Variants in PLK3 observed in about 807,000 individuals in gnomAD.
PLK3 encodes serine/threonine-protein kinase PLK3.
A neutral mutation model predicts 71.6 loss-of-function variants in PLK3; 41 were observed. The ratio of observed to expected loss-of-function variants is 0.57; its 90% CI spans 0.45 to 0.74. PLK3 has a LOEUF of 0.74. Among genes scored for constraint, PLK3 ranks in the 30% least tolerant of loss-of-function variants. The pLI, the probability that PLK3 is intolerant of heterozygous loss-of-function variation, is 0.00. For synonymous variants in PLK3, 366 were observed against 355.4 expected, an observed-to-expected ratio of 1.03 and a Z score of -0.33; for missense variants, 791 against 875.6, an observed-to-expected ratio of 0.90 and a Z score of 1.22.
At position 44,804,799 on chromosome 1, in the gene PLK3, G is replaced by C. The variant is rs1185512436; in HGVS notation, c.1635+20G>C. On this transcript the variant is annotated intron_variant, in intron 13 of 14. Transcript: ENST00000372201. ...ATGAAGGTGTGAGGGCTGGGGCTGTGGTACATTGAAACCTAACCCATCCTG... is the reference window on the plus strand; with the variant it reads ...ATGAAGGTGTGAGGGCTGGGGCTGTCGTACATTGAAACCTAACCCATCCTG... The C allele has an allele frequency of 1.2e-6, 2 of 1,612,366 alleles. No homozygotes were observed. The highest frequency in any genetic ancestry group is 1.3e-5 in the African/African-American group (1 of 75,012).
At position 44,800,390 on chromosome 1, in the gene PLK3, T is replaced by C; in HGVS notation, c.-74T>C. The C allele has an allele frequency of 8.1e-7, 1 of 1,229,610 alleles. No individual in the cohort carries two copies. Among genetic ancestry groups the C allele is most frequent in the South Asian group, 2.9e-5 (1 of 34,686 alleles). The allele number at this position is 1,229,610 out of a possible 1,614,324, so 76.2% of individuals were successfully genotyped here. On this transcript the variant is annotated 5_prime_UTR_variant, in exon 1 of 15. Transcript: ENST00000372201. This position sits in a 1 kb window ranked among gnomAD's most constrained non-coding sequence, Gnocchi z 6.5. ...CTGGGCGCCAGCGCAGCGTAGCAAATCCAGGCAGCGCCACGCGCGGCCGGG... is the reference window on the plus strand; with the variant it reads ...CTGGGCGCCAGCGCAGCGTAGCAAACCCAGGCAGCGCCACGCGCGGCCGGG...
rs1651807978 is a variant in PLK3, at chr1:44,800,967, G to A, written c.318+20G>A. Reference sequence around the variant, plus strand: ...GAGAAGGTGGGTCCAGGCTCAGCGGGCGAGGGGTGGGGTGGGGACGGTGGC... The same window carrying A: ...GAGAAGGTGGGTCCAGGCTCAGCGGACGAGGGGTGGGGTGGGGACGGTGGC... On this transcript the variant is annotated intron_variant, in intron 2 of 14. Transcript: ENST00000372201. The surrounding 1 kb of genome is among the most constrained non-coding windows in gnomAD (Gnocchi z 6.5). The A allele has an allele frequency of 8.1e-6, 13 of 1,611,554 alleles. No individual in the cohort carries two copies. In the East Asian group the frequency reaches 2.9e-4, roughly 36 times the overall value.
chr1:44,800,721 C>A lies in PLK3; in HGVS notation c.210+48C>A. 6.5e-7 allele frequency: 1 copy of A among 1,535,060 alleles called. No homozygotes were observed. On this transcript the variant is annotated intron_variant, in intron 1 of 14. Transcript: ENST00000372201. The surrounding 1 kb of genome is among the most constrained non-coding windows in gnomAD (Gnocchi z 6.5). ...GGTGGTGATGGTGGAGGTGGGGGTC[C>A]CGGCCGGCCTCTTTTCTGGCGCCGA...
chr1:44,803,706 T>C lies in PLK3; in HGVS notation c.1164+15T>C, dbSNP rs777378108. 26 of 1,578,906 alleles carry C rather than the reference T, an allele frequency of 1.6e-5. No individual in the cohort carries two copies. In the Admixed American group the frequency reaches 4.2e-4, roughly 26 times the overall value. ...CCAGGCCAGAGGTGAGGCGCTCAGGTGGACACTGTTCCCCTGACTCACCCC... is the reference window on the plus strand; with the variant it reads ...CCAGGCCAGAGGTGAGGCGCTCAGGCGGACACTGTTCCCCTGACTCACCCC... On this transcript the variant is annotated intron_variant, in intron 9 of 14. Transcript: ENST00000372201. The surrounding 1 kb of genome is among the most constrained non-coding windows in gnomAD (Gnocchi z 4.3).
chr1:44,801,412 G>T (rs568270086), intron 3 of PLK3, among the ~76,000 whole-genome samples: 19 of 152,220 alleles, frequency 1.2e-4, no homozygotes, highest in South Asian at 6.2e-4. Flanking sequence ...GTTTCACCCT[G>T]TTGGTCAGGC....
Position 44,803,312 on chromosome 1 carries a change from C to G in PLK3, c.993C>G (p.Val331=). The part of the protein sequence containing the change: ...DRLPISSCVT[V]PDLTPPNPAR... ...TCCCTATCAGCAGCTGCGTGACAGT[C>G]CCAGACCTGACACCCCCCAACCCAG... The change falls in exon 8 of 15, where the codon GTC becomes GTG. Residue 331 remains valine, a synonymous_variant. Coordinates refer to ENST00000372201, the MANE Select transcript of PLK3 (RefSeq NM_004073.4). This position sits in a 1 kb window ranked among gnomAD's most constrained non-coding sequence, Gnocchi z 4.3. The G allele has an allele frequency of 6.2e-7, 1 of 1,614,116 alleles. No individual in the cohort carries two copies. The highest frequency in any genetic ancestry group is 1.1e-5 in the South Asian group (1 of 91,084).
intron 5 of PLK3, among the ~76,000 whole-genome samples, 190 bp from the exon 6 acceptor site, chr1:44,802,570 G>A (rs1200792756): frequency 1.3e-5 from 2 of 152,098 alleles, no homozygotes; most frequent in African/African-American, 4.8e-5. Flanking sequence ...AAGAGCAGCT[G>A]AGCAGCTGGG....
rs1651904890 is a variant in PLK3, at chr1:44,803,465, A to C, written c.1072+74A>C. 1 of 1,602,738 alleles carries C rather than the reference A, an allele frequency of 6.2e-7. No individual in the cohort carries two copies. Among genetic ancestry groups the C allele is most frequent in the Non-Finnish European group, 8.5e-7 (1 of 1,172,174 alleles). ...TTGTCACATTTGTCTTGGGTGTGTGAGTGTGGGTGCCTGGAAACTCCTGGG... is the reference window on the plus strand; with the variant it reads ...TTGTCACATTTGTCTTGGGTGTGTGCGTGTGGGTGCCTGGAAACTCCTGGG... On this transcript the variant is annotated intron_variant, in intron 8 of 14. Coordinates refer to ENST00000372201, the MANE Select transcript of PLK3 (RefSeq NM_004073.4). The surrounding 1 kb of genome is among the most constrained non-coding windows in gnomAD (Gnocchi z 4.3).
intron 3 of PLK3, among the ~76,000 whole-genome samples, chr1:44,801,378 T>C (rs1651825097): frequency 6.6e-6 from 1 of 151,618 alleles, no homozygotes; most frequent in African/African-American, 2.4e-5. Context: ...CCCGGCTAAT[T>C]TTTGTATTTT....
At chr1:44,805,403 G>C (rs769846463) in intron 14 of PLK3, 24 bp downstream of exon 14, 1 of 1,607,596 alleles carries the variant, frequency 6.2e-7, no homozygotes, top group South Asian at 1.1e-5. Flanking sequence ...CAGGAGTTGC[G>C]GGAAGGTCTG....
intron 12 of PLK3, 27 bp downstream of exon 12, chr1:44,804,528 A>G (rs1651944320): frequency 6.2e-7 from 1 of 1,612,290 alleles, no homozygotes; most frequent in Non-Finnish European, 8.5e-7. Context: ...GGTGCCTTGT[A>G]TTCAGGCCAC....
chr1:44,803,402 GGT>G lies in PLK3; in HGVS notation c.1072+14_1072+15del. 1.2e-6 allele frequency: 2 copies of G among 1,613,888 alleles called. No individual in the cohort carries two copies. The highest frequency in any genetic ancestry group is 1.7e-6 in the Non-Finnish European group (2 of 1,179,978). On this transcript the variant is annotated intron_variant, in intron 8 of 14. Transcript: ENST00000372201. This position sits in a 1 kb window ranked among gnomAD's most constrained non-coding sequence, Gnocchi z 4.3. Reference sequence around the variant, plus strand: ...GCAGAAAGAAGAAGAGTGAGTCTGGGGTGTCAGTGGGTTGAGGGGGCAGAGCA... The same window carrying G: ...GCAGAAAGAAGAAGAGTGAGTCTGGGGTCAGTGGGTTGAGGGGGCAGAGCA...
In PLK3 at chr1:44,801,877, A is replaced by C. The variant is rs1651843715; in HGVS notation, c.598A>C (p.Lys200Gln). ...TTTCATCACTGAGAACATGGAACTGAAGGTGGGGGATTTTGGGCTGGCAGC... is the reference window on the plus strand; with the variant it reads ...TTTCATCACTGAGAACATGGAACTGCAGGTGGGGGATTTTGGGCTGGCAGC... ...NFFITENMELKVGDFGLAARL... is the reference protein window; with the variant it reads ...NFFITENMELQVGDFGLAARL... The change falls in exon 5 of 15, where the codon AAG becomes CAG. Residue 200 changes from lysine (K) to glutamine (Q), a missense_variant. Coordinates refer to ENST00000372201, the MANE Select transcript of PLK3 (RefSeq NM_004073.4). 1 of 1,613,842 alleles carries C rather than the reference A, an allele frequency of 6.2e-7. No homozygotes were observed. Among genetic ancestry groups the C allele is most frequent in the African/African-American group, 1.3e-5 (1 of 75,034 alleles).
rs1651915229 is a variant in PLK3, at chr1:44,803,747, G to A, written c.1164+56G>A. On this transcript the variant is annotated intron_variant, in intron 9 of 14. Coordinates refer to ENST00000372201, the MANE Select transcript of PLK3 (RefSeq NM_004073.4). The surrounding 1 kb of genome is among the most constrained non-coding windows in gnomAD (Gnocchi z 4.3). ...GACTCACCCCCACCCTAGCAGCTGAGGGAAGCCGGGGATAAAAGAGGCTGC... is the reference window on the plus strand; with the variant it reads ...GACTCACCCCCACCCTAGCAGCTGAAGGAAGCCGGGGATAAAAGAGGCTGC... The A allele has an allele frequency of 1.5e-6, 2 of 1,357,950 alleles. No homozygotes were observed. Among genetic ancestry groups the A allele is most frequent in the African/African-American group, 1.4e-5 (1 of 69,594 alleles). The allele number at this position is 1,357,950 out of a possible 1,614,324, so 84.1% of individuals were successfully genotyped here.
Position 44,805,879 on chromosome 1 carries a change from C to T in PLK3, c.*201C>T. On this transcript the variant is annotated 3_prime_UTR_variant, in exon 15 of 15. Coordinates refer to ENST00000372201, the MANE Select transcript of PLK3 (RefSeq NM_004073.4). ...CCAAGATAAGCCTGAGCCTTAGCTC[C>T]CAGCTAGGGGGCGTTATTTATGGAC... is the stretch of plus-strand genomic sequence containing the variant. The T allele has an allele frequency of 1.4e-6, 2 of 1,428,700 alleles. No individual in the cohort carries two copies. Among genetic ancestry groups the T allele is most frequent in the Non-Finnish European group, 1.9e-6 (2 of 1,078,040 alleles). The allele number at this position is 1,428,700 out of a possible 1,614,324, so 88.5% of individuals were successfully genotyped here. A position where few individuals can be genotyped will look rare whatever the true frequency, so the allele number is the denominator to read the frequency against.
At chr1:44,802,249 G>A (rs1255841525) in intron 5 of PLK3, among the ~76,000 whole-genome samples, 2 of 151,908 alleles carry the variant, frequency 1.3e-5, no homozygotes, top group African/African-American at 2.4e-5. Flanking sequence ...GACAGGCAGC[G>A]TGTATGTGTG....
Position 44,805,575 on chromosome 1 carries a change from G to T in PLK3, c.1838G>T (p.Cys613Phe), listed in dbSNP as rs151278318. 8.7e-6 allele frequency: 14 copies of T among 1,614,222 alleles called. No individual in the cohort carries two copies. Among genetic ancestry groups the T allele is most frequent in the South Asian group, 2.2e-5 (2 of 91,092 alleles). ...TTTGTGGCCCGAAATCGTAGTGCTT[G>T]TACTTACCTCGCTTCCCACCTTCGG... ...VTFVARNRSA[C>F]TYLASHLRQL... The change falls in exon 15 of 15, where the codon TGT becomes TTT. Residue 613 changes from cysteine to phenylalanine, a missense_variant. Coordinates refer to ENST00000372201, the MANE Select transcript of PLK3 (RefSeq NM_004073.4).
Position 44,805,606 on chromosome 1 carries a change from G to T in PLK3, c.1869G>T (p.Leu623=). Residue 623 remains leucine (L), a synonymous_variant, in exon 15 of 15, where the codon CTG becomes CTT. Coordinates refer to ENST00000372201, the MANE Select transcript of PLK3 (RefSeq NM_004073.4). ...CTYLASHLRQ[L]GCSPDLRQRL... Reference sequence around the variant, plus strand: ...ACCTCGCTTCCCACCTTCGGCAGCTGGGCTGCTCTCCAGACCTGCGGCAGC... The same window carrying T: ...ACCTCGCTTCCCACCTTCGGCAGCTTGGCTGCTCTCCAGACCTGCGGCAGC... 1.2e-6 allele frequency: 2 copies of T among 1,614,188 alleles called. No individual in the cohort carries two copies. Among genetic ancestry groups the T allele is most frequent in the Non-Finnish European group, 1.7e-6 (2 of 1,180,006 alleles).
In PLK3 at chr1:44,805,311, C is replaced by T. The variant is rs867053335; in HGVS notation, c.1681C>T (p.Pro561Ser). ...SVEEVEVPAP[P>S]LLLQWVKTDQ... ...GGAAGAGGTAGAGGTACCTGCTCCG[C>T]CCTTGCTGCTGCAGTGGGTCAAGAC... Residue 561 changes from proline to serine, a missense_variant, in exon 14 of 15, where the codon CCC becomes TCC. Physicochemically the swap from Pro to Ser is moderately conservative, Grantham distance 74. Coordinates refer to ENST00000372201, the MANE Select transcript of PLK3 (RefSeq NM_004073.4). The T allele has an allele frequency of 6.2e-7, 1 of 1,614,058 alleles. No homozygotes were observed. The highest frequency in any genetic ancestry group is 1.6e-4 in the Middle Eastern group (1 of 6,062).
Sources: gnomAD v4.1 joint callset for allele counts (sites outside exome capture counted in the v4.1 genomes callset) on GRCh38, gnomAD v4.1.1 for gene constraint, Gnocchi (gnomAD v3.1) non-coding constraint, MANE v1.5 for transcripts, NCBI Gene and HGNC (gene_info 2026-07-23, HGNC 2026-07-21) for gene names.